Variants in RAB28 observed in about 807,000 individuals in gnomAD.
The protein encoded by RAB28 is RAB28, member RAS oncogene family, also known as ras-related protein Rab-28.
RAB28 carries 24 observed loss-of-function variants against 31.7 expected under a neutral mutation model. That is an observed-to-expected ratio of 0.76 (90% confidence interval 0.55 to 1.06). The LOEUF is 1.06. Among genes scored for constraint, RAB28 ranks in the 50% least tolerant of loss-of-function variants. RAB28 has a pLI of 0.00. For synonymous variants in RAB28, 100 were observed against 90.4 expected, an observed-to-expected ratio of 1.11 and a Z score of -0.60; for missense variants, 254 against 258.5, an observed-to-expected ratio of 0.98 and a Z score of 0.12.
intron 4 of RAB28, among the ~76,000 whole-genome samples, chr4:13,430,741 C>T (rs1471952407): frequency 6.6e-6 from 1 of 152,106 alleles, no homozygotes; most frequent in African/African-American, 2.4e-5. Flanking sequence ...ACAAATACAC[C>T]CATAACCCAC....
intron 6 of RAB28, chr4:13,369,848 TG>T (rs1728649175): frequency 6.3e-7 from 1 of 1,592,386 alleles, no homozygotes; most frequent in Non-Finnish European, 8.6e-7. Flanking sequence ...CTCCCCAAAC[TG>T]TAATAATTTA....
chr4:13,416,410 T>G (rs966468600), intron 4 of RAB28, among the ~76,000 whole-genome samples: 16 of 152,246 alleles, frequency 1.1e-4, no homozygotes, highest in African/African-American at 3.9e-4. Flanking sequence ...CTTTAAGAAC[T>G]GTAACACTCA....
At chr4:13,389,594 C>T (rs1729537421) in intron 4 of RAB28, among the ~76,000 whole-genome samples, 2 of 151,982 alleles carry the variant, frequency 1.3e-5, no homozygotes, top group African/African-American at 4.8e-5. Flanking sequence ...CATCACTTAC[C>T]CTCAACAATT....
At chr4:13,375,554 C>G (rs1395704883) in intron 6 of RAB28, among the ~76,000 whole-genome samples, 1 of 152,012 alleles carries the variant, frequency 6.6e-6, no homozygotes, top group East Asian at 1.9e-4. Context: ...CTCCTAGGCC[C>G]AAAACAAGTA....
At chr4:13,437,726 G>A (rs1188043092) in intron 4 of RAB28, among the ~76,000 whole-genome samples, 1 of 152,006 alleles carries the variant, frequency 6.6e-6, no homozygotes, top group South Asian at 2.1e-4. Flanking sequence ...ACAGAAAAAA[G>A]GAAATACTTA....
intron 3 of RAB28, among the ~76,000 whole-genome samples, chr4:13,466,739 T>C (rs61121978): frequency 0.015 from 2,321 of 152,064 alleles, 57 homozygotes; most frequent in African/African-American, 0.054. Flanking sequence ...CTCCCATGTT[T>C]GTTGCAGCAC....
intron 4 of RAB28, among the ~76,000 whole-genome samples, chr4:13,443,803 T>C (rs1404002453): frequency 6.6e-6 from 1 of 152,164 alleles, no homozygotes; most frequent in Non-Finnish European, 1.5e-5. Context: ...TCATCCTAAG[T>C]GATACTTTGT....
intron 4 of RAB28, among the ~76,000 whole-genome samples, chr4:13,430,799 G>A (rs1207403857): frequency 1.3e-5 from 2 of 152,110 alleles, no homozygotes; most frequent in Non-Finnish European, 2.9e-5. Context: ...AGGGAGCTGT[G>A]GTACCCCAAA....
At chr4:13,376,476 T>G (rs2108878148) in intron 6 of RAB28, 69 bp downstream of exon 6, 1 of 1,174,172 alleles carries the variant, frequency 8.5e-7, no homozygotes, top group East Asian at 2.5e-5. Flanking sequence ...GGGAAAGAAT[T>G]TATGGGTGAA....
intron 4 of RAB28, among the ~76,000 whole-genome samples, chr4:13,427,252 C>T (rs897008205): frequency 2.0e-5 from 3 of 152,112 alleles, no homozygotes; most frequent in Non-Finnish European, 4.4e-5. Context: ...ACTTAAGGGC[C>T]TTCTTAAAAT....
In RAB28 at chr4:13,378,599, T is replaced by G. The variant is rs536366955; in HGVS notation, c.496-1977A>C. Among the ~76,000 whole-genome samples, 9 of 152,120 alleles carry G rather than the reference T, an allele frequency of 5.9e-5. No individual in the cohort carries two copies. The South Asian group carries it at 1.9e-3, about 32-fold the overall frequency. ...AATATTTTCTGTGTTGAAAGAATAA[T>G]CCAGTAGGTGGAAAAAAAATAATAC... is the stretch of plus-strand genomic sequence containing the variant. On this transcript the variant is annotated intron_variant, in intron 5 of 6. Coordinates refer to ENST00000330852, the MANE Select transcript of RAB28 (RefSeq NM_001017979.3).
At chr4:13,370,949 T>C in intron 6 of RAB28, 2 of 978,362 alleles carry the variant, frequency 2.0e-6, no homozygotes, top group South Asian at 9.5e-5. Flanking sequence ...GATAACATGT[T>C]ACCCAAATAT....
intron 1 of RAB28, among the ~76,000 whole-genome samples, chr4:13,482,218 C>G (rs189763217): frequency 2.6e-5 from 4 of 152,002 alleles, no homozygotes; most frequent in African/African-American, 9.6e-5. Flanking sequence ...AAATTTTAAA[C>G]AGAGATAAAA....
At position 13,450,392 on chromosome 4, in the gene RAB28, G is replaced by A. The variant is rs1209079122; in HGVS notation, c.391+10307C>T. Among the ~76,000 whole-genome samples the A allele has an allele frequency of 5.3e-5, 8 of 151,642 alleles. No homozygotes were observed. In the East Asian group the frequency reaches 1.5e-3, roughly 29 times the overall value. ...GAACTCCCTCTGACATTATTCATCAGGGTGGCATTCAATAGGCCACTTGGC... is the reference window on the plus strand; with the variant it reads ...GAACTCCCTCTGACATTATTCATCAAGGTGGCATTCAATAGGCCACTTGGC... On this transcript the variant is annotated intron_variant, in intron 4 of 6. Coordinates refer to ENST00000330852, the MANE Select transcript of RAB28 (RefSeq NM_001017979.3).
rs113018446 is a variant in RAB28, at chr4:13,419,641, C to A, written c.392-38047G>T. Among the ~76,000 whole-genome samples, 1,120 of 152,256 alleles carry A rather than the reference C, an allele frequency of 7.4e-3. 19 individuals carry two copies. Among genetic ancestry groups the A allele is most frequent in the African/African-American group, 0.025 (1,035 of 41,542 alleles). ...TACATGAAAACTGAACAACCTGCTC[C>A]TGAATGACTACTGGGTAAATAATGA... On this transcript the variant is annotated intron_variant, in intron 4 of 6. Transcript: ENST00000330852.
chr4:13,437,422 T>C (rs927920771), intron 4 of RAB28, among the ~76,000 whole-genome samples: 5 of 151,976 alleles, frequency 3.3e-5, no homozygotes, highest in Non-Finnish European at 4.4e-5. Flanking sequence ...ACAGAGTAAG[T>C]AGGCAACCTA....
At chr4:13,401,032 G>A (rs1270655335) in intron 4 of RAB28, among the ~76,000 whole-genome samples, 1 of 152,134 alleles carries the variant, frequency 6.6e-6, no homozygotes, top group Non-Finnish European at 1.5e-5. Context: ...TTTTCTTACA[G>A]TGTCTTTATC....
intron 4 of RAB28, among the ~76,000 whole-genome samples, chr4:13,432,223 C>T (rs577823742): frequency 6.6e-6 from 1 of 152,054 alleles, no homozygotes; most frequent in African/African-American, 2.4e-5. Context: ...TTCAAATTAA[C>T]CCAGTCACAC....
At chr4:13,477,625 A>G (rs1456967408) in intron 2 of RAB28, among the ~76,000 whole-genome samples, 1 of 151,002 alleles carries the variant, frequency 6.6e-6, no homozygotes, top group Non-Finnish European at 1.5e-5. Context: ...GAGTCTGTTA[A>G]GTAGCATAAA....
Sources: allele counts gnomAD v4.1 joint callset (sites outside exome capture counted in the v4.1 genomes callset), GRCh38; gene constraint gnomAD v4.1.1; transcripts MANE v1.5; gene names NCBI Gene and HGNC (gene_info 2026-07-23, HGNC 2026-07-21).